Variants in ULK4 observed in about 807,000 individuals in gnomAD.
The protein encoded by ULK4 is unc-51 like kinase 4, also known as inactive serine/threonine-protein kinase ULK4.
In ULK4, 133 loss-of-function variants were observed where a neutral mutation model predicts 160.6. The observed-to-expected ratio is 0.83, with a 90% CI of 0.72 to 0.96. The LOEUF (loss-of-function observed/expected upper bound fraction) is 0.96. Ranked by LOEUF, ULK4 falls within the 40% of genes least tolerant of loss-of-function variation. The probability of loss-of-function intolerance (pLI) is 0.00; values close to 1 mark genes in which losing one functional copy is unlikely to be tolerated. For synonymous variants in ULK4, 534 were observed against 539.8 expected, an observed-to-expected ratio of 0.99 and a Z score of 0.15; for missense variants, 1,580 against 1,499.5, an observed-to-expected ratio of 1.05 and a Z score of -0.89.
At position 41,454,758 on chromosome 3, in the gene ULK4, T is replaced by A. The variant is rs1218237770; in HGVS notation, c.3492+739A>T. ...CCCAGGCTGGAGTGAAGTGGCACGA[T>A]CTTGGTTCACTGCAACCTCTGCCTC... On this transcript the variant is annotated intron_variant, in intron 34 of 36. Transcript: ENST00000301831. 3.9e-5 allele frequency among the ~76,000 whole-genome samples: 6 copies of A among 152,012 alleles called. 1 individual carries two copies. Among genetic ancestry groups the A allele is most frequent in the African/African-American group, 1.4e-4 (6 of 41,406 alleles).
intron 19 of ULK4, among the ~76,000 whole-genome samples, chr3:41,804,106 T>C (rs941727976): frequency 5.3e-5 from 8 of 151,850 alleles, no homozygotes; most frequent in African/African-American, 1.9e-4. Context: ...CCACCAACAC[T>C]GTAAAAGTGT....
intron 34 of ULK4, among the ~76,000 whole-genome samples, chr3:41,404,389 T>C (rs189120788): frequency 6.5e-4 from 99 of 152,316 alleles, no homozygotes; most frequent in Middle Eastern, 6.8e-3. Flanking sequence ...CTTTATCTGA[T>C]ATTAATATAA....
intron 35 of ULK4, among the ~76,000 whole-genome samples, chr3:41,306,128 T>TTGGG (rs1389101389): frequency 2.5e-4 from 15 of 61,076 alleles, no homozygotes; most frequent in African/African-American, 1.4e-3. Context: ...GGGAGGGAGG[T>TTGGG]GGGGGGGGGG....
At chr3:41,893,188 A>G (rs989985021) in intron 16 of ULK4, among the ~76,000 whole-genome samples, 3 of 152,232 alleles carry the variant, frequency 2.0e-5, no homozygotes, top group Middle Eastern at 3.2e-3. Context: ...TCTGTTTAAG[A>G]TGATGAAAAA....
At chr3:41,754,021 G>T (rs957794538) in intron 22 of ULK4, among the ~76,000 whole-genome samples, 12 of 151,996 alleles carry the variant, frequency 7.9e-5, no homozygotes, top group African/African-American at 2.7e-4. Context: ...CACAAGAACA[G>T]AATGGGGGAA....
chr3:41,355,198 G>A (rs553783926), intron 35 of ULK4, among the ~76,000 whole-genome samples: 1 of 152,132 alleles, frequency 6.6e-6, no homozygotes, highest in Non-Finnish European at 1.5e-5. Flanking sequence ...TTTCAGGGAA[G>A]ACCCAAAAGA....
chr3:41,883,394 C>T (rs928250245), intron 17 of ULK4, among the ~76,000 whole-genome samples: 26 of 152,230 alleles, frequency 1.7e-4, no homozygotes, highest in Non-Finnish European at 1.8e-4. Context: ...CCTATGCTGA[C>T]TCTTGAGCCT....
At chr3:41,292,856 A>G (rs2079598142) in intron 35 of ULK4, among the ~76,000 whole-genome samples, 1 of 152,192 alleles carries the variant, frequency 6.6e-6, no homozygotes, top group Admixed American at 6.5e-5. Flanking sequence ...AGGCAGAAGA[A>G]TTGCTTGAAC....
intron 32 of ULK4, among the ~76,000 whole-genome samples, chr3:41,519,879 G>C (rs1397955951): frequency 6.6e-6 from 1 of 152,116 alleles, no homozygotes; most frequent in Non-Finnish European, 1.5e-5. Context: ...ATAGCTGGCT[G>C]TCCACAAAAT....
chr3:41,769,232 C>G (rs2039270661), intron 21 of ULK4, among the ~76,000 whole-genome samples: 1 of 152,180 alleles, frequency 6.6e-6, no homozygotes. Flanking sequence ...TTCAGAAAAA[C>G]TGAATGAACA....
chr3:41,759,111 G>C lies in ULK4; in HGVS notation c.2194-4623C>G, dbSNP rs568112284. 1.1e-4 allele frequency among the ~76,000 whole-genome samples: 16 copies of C among 152,228 alleles called. No individual in the cohort carries two copies. The South Asian group carries it at 3.1e-3, about 30-fold the overall frequency. On this transcript the variant is annotated intron_variant, in intron 21 of 36. Coordinates refer to ENST00000301831, the MANE Select transcript of ULK4 (RefSeq NM_017886.4). ...TGATGACAGACAAGGTGTTTCCCCA[G>C]AAACTGGGAAGAAAGCAAGGATGTT...
chr3:41,317,226 C>T (rs1051880391), intron 35 of ULK4, among the ~76,000 whole-genome samples: 1 of 151,672 alleles, frequency 6.6e-6, no homozygotes. Flanking sequence ...CAGGCGCCCG[C>T]CACGGCGCCC....
intron 22 of ULK4, among the ~76,000 whole-genome samples, chr3:41,718,294 GTTTCAT>G (rs2037339846): frequency 6.6e-6 from 1 of 152,110 alleles, no homozygotes; most frequent in African/African-American, 2.4e-5. Context: ...CAAAGAAAAT[GTTTCAT>G]TTTAACACTG....
intron 1 of ULK4, among the ~76,000 whole-genome samples, chr3:41,961,623 C>T (rs1011563840): frequency 6.6e-6 from 1 of 151,308 alleles, no homozygotes; most frequent in African/African-American, 2.4e-5. Flanking sequence ...GGCCTCGCTA[C>T]GTCCGTAGGC....
In ULK4 at chr3:41,841,530, C is replaced by T. The variant is rs893184002; in HGVS notation, c.1657-5559G>A. Among the ~76,000 whole-genome samples the T allele has an allele frequency of 2.5e-3, 371 of 149,056 alleles. 4 individuals are homozygous for T. The highest frequency in any genetic ancestry group is 1.8e-3 in the Non-Finnish European group (122 of 67,188). On this transcript the variant is annotated intron_variant, in intron 17 of 36. Coordinates refer to ENST00000301831, the MANE Select transcript of ULK4 (RefSeq NM_017886.4). ...GAAGTGAGAAGCACCTCTGCCCAGCCGCCCTTCGTCTGGGAGGTGGGGAGC... is the reference window on the plus strand; with the variant it reads ...GAAGTGAGAAGCACCTCTGCCCAGCTGCCCTTCGTCTGGGAGGTGGGGAGC...
At chr3:41,477,805 A>G (rs1470443931) in intron 32 of ULK4, among the ~76,000 whole-genome samples, 1 of 152,216 alleles carries the variant, frequency 6.6e-6, no homozygotes, top group Non-Finnish European at 1.5e-5. Context: ...CCAAAGGTTA[A>G]CAAGCAACCA....
At chr3:41,298,960 G>A (rs1349502830) in intron 35 of ULK4, among the ~76,000 whole-genome samples, 2 of 152,184 alleles carry the variant, frequency 1.3e-5, no homozygotes, top group Non-Finnish European at 2.9e-5. Context: ...GTGGGTGAAT[G>A]CTTGCAAAAA....
At chr3:41,736,641 T>C (rs1309957915) in intron 22 of ULK4, among the ~76,000 whole-genome samples, 1 of 151,540 alleles carries the variant, frequency 6.6e-6, no homozygotes, top group East Asian at 1.9e-4. Context: ...ATTCTGTAGG[T>C]TGCCTGTTCA....
intron 32 of ULK4, among the ~76,000 whole-genome samples, chr3:41,482,490 C>T (rs1232278356): frequency 1.3e-5 from 2 of 152,166 alleles, no homozygotes; most frequent in African/African-American, 4.8e-5. Context: ...CCCTCAGTTC[C>T]AGATGTACCT....
Sources: allele counts gnomAD v4.1 joint callset (sites outside exome capture counted in the v4.1 genomes callset), GRCh38; gene constraint gnomAD v4.1.1; transcripts MANE v1.5; gene names NCBI Gene and HGNC (gene_info 2026-07-23, HGNC 2026-07-21).